Variants in ASB15 observed in about 807,000 individuals in gnomAD.
The protein encoded by ASB15 is ankyrin repeat and SOCS box protein 15.
ASB15 carries 54 observed loss-of-function variants against 58.0 expected under a neutral mutation model. That is an observed-to-expected ratio of 0.93 (90% CI 0.75 to 1.17). The LOEUF (loss-of-function observed/expected upper bound fraction) is 1.17, where lower values mean the gene tolerates loss of function less well. ASB15 is among the 50% of genes most tolerant of loss of function. The pLI is 0.00. For missense variants in ASB15, 680 were observed against 707.4 expected, an observed-to-expected ratio of 0.96 and a Z score of 0.44; for synonymous variants, 249 against 262.4, an observed-to-expected ratio of 0.95 and a Z score of 0.50.
rs1001617341 is a variant in ASB15, at chr7:123,628,951, A to T, written c.957A>T (p.Gln319His). 4 of 1,610,368 alleles carry T rather than the reference A, an allele frequency of 2.5e-6. No individual in the cohort carries two copies. The highest frequency in any genetic ancestry group is 3.4e-6 in the Non-Finnish European group (4 of 1,178,232). Residue 319 changes from glutamine (Q) to histidine (H), a missense_variant, in exon 10 of 12, where the codon CAA becomes CAT. Coordinates refer to ENST00000451215, the MANE Select transcript of ASB15 (RefSeq NM_001290258.2). ...LTPIHSAADG[Q>H]NAQCLELLIE... is the part of the protein sequence containing the mutation. ...CAATTCACTCAGCAGCAGATGGACA[A>T]AATGCACAGTGTCTAGAACTGCTCA...
At chr7:123,607,346 T>C (rs1171986739) in intron 2 of ASB15, among the ~76,000 whole-genome samples, 1 of 152,222 alleles carries the variant, frequency 6.6e-6, no homozygotes, top group Admixed American at 6.5e-5. Flanking sequence ...TCCATTTTTA[T>C]GTGTACAATA....
chr7:123,625,252 G>A (rs1253493214), intron 8 of ASB15, among the ~76,000 whole-genome samples: 1 of 152,082 alleles, frequency 6.6e-6, no homozygotes. Context: ...CGTTTCTCTT[G>A]TCCTCTCATT....
At position 123,635,704 on chromosome 7, in the gene ASB15, A is replaced by G. The variant is rs139253000; in HGVS notation, c.1595-1105A>G. On this transcript the variant is annotated intron_variant, in intron 11 of 11. Transcript: ENST00000451215. Reference sequence around the variant, plus strand: ...ATTGTTTCCATCATACTTTACTGCAACTAGAGTCGAAGCCAGTTGATTGCT... The same window carrying G: ...ATTGTTTCCATCATACTTTACTGCAGCTAGAGTCGAAGCCAGTTGATTGCT... Among the ~76,000 whole-genome samples the G allele has an allele frequency of 2.7e-3, 401 of 150,818 alleles. 3 individuals carry two copies. The highest frequency in any genetic ancestry group is 9.1e-3 in the African/African-American group (372 of 41,074).
chr7:123,627,463 T>C (rs1449959563), intron 9 of ASB15, among the ~76,000 whole-genome samples, 182 bp downstream of exon 9: 1 of 152,202 alleles, frequency 6.6e-6, no homozygotes, highest in Non-Finnish European at 1.5e-5. Context: ...TTTGATATTC[T>C]TGTACTTCCA....
upstream of ASB15, among the ~76,000 whole-genome samples, chr7:123,597,820 G>A (rs1368991692): frequency 6.6e-6 from 1 of 151,862 alleles, no homozygotes; most frequent in African/African-American, 2.4e-5. Flanking sequence ...AACAGAGCAA[G>A]ACTTCATCTG....
intron 1 of ASB15, among the ~76,000 whole-genome samples, chr7:123,578,108 G>T (rs1247358677): frequency 6.8e-6 from 1 of 147,724 alleles, no homozygotes; most frequent in Non-Finnish European, 1.5e-5. Context: ...TGTTCTCATT[G>T]TTCAACTTAA....
At chr7:123,582,700 A>C (rs1420672246) in intron 1 of ASB15, among the ~76,000 whole-genome samples, 1 of 151,890 alleles carries the variant, frequency 6.6e-6, no homozygotes, top group Non-Finnish European at 1.5e-5. Context: ...TCAAGACTTT[A>C]TATCGTCTAA....
At chr7:123,586,501 G>C (rs1406104793) in intron 1 of ASB15, among the ~76,000 whole-genome samples, 1 of 151,398 alleles carries the variant, frequency 6.6e-6, no homozygotes, top group Admixed American at 6.6e-5. Flanking sequence ...TTTCTCCCTT[G>C]GTTGCATTTT....
At chr7:123,589,939 G>A (rs2116353061) in intron 1 of ASB15, among the ~76,000 whole-genome samples, 1 of 152,286 alleles carries the variant, frequency 6.6e-6, no homozygotes, top group Admixed American at 6.5e-5. Context: ...CCCACCAACA[G>A]TGTAAAAGCG....
At chr7:123,618,001 G>GAGAT (rs1204101034) in intron 7 of ASB15, among the ~76,000 whole-genome samples, 3 of 152,202 alleles carry the variant, frequency 2.0e-5, no homozygotes, top group Non-Finnish European at 4.4e-5. Context: ...TTTGAAGCCA[G>GAGAT]AGATAGCAAT....
intron 11 of ASB15, among the ~76,000 whole-genome samples, chr7:123,635,713 G>A (rs559993154): frequency 3.4e-5 from 5 of 147,144 alleles, no homozygotes; most frequent in South Asian, 2.1e-4. Flanking sequence ...AACTAGAGTC[G>A]AAGCCAGTTG....
intron 8 of ASB15, 36 bp downstream of exon 8, chr7:123,624,850 C>A: frequency 3.1e-6 from 5 of 1,588,774 alleles, no homozygotes; most frequent in Non-Finnish European, 4.3e-6. Flanking sequence ...TGACTTTTGT[C>A]CTGCCTCTCG....
At chr7:123,587,750 G>A (rs894690087) in intron 1 of ASB15, among the ~76,000 whole-genome samples, 2 of 151,682 alleles carry the variant, frequency 1.3e-5, no homozygotes, top group Non-Finnish European at 3.0e-5. Flanking sequence ...TATCAAAAAA[G>A]ATGTTGATAT....
rs1423526299 is a variant in ASB15 at position 123,617,633 on chromosome 7, C to T, written c.347C>T (p.Thr116Ile). 2.5e-6 allele frequency: 4 copies of T among 1,610,558 alleles called. No individual in the cohort carries two copies. The highest frequency in any genetic ancestry group is 4.5e-5 in the East Asian group (2 of 44,868). Residue 116 changes from threonine (T) to isoleucine (I), a missense_variant, in exon 7 of 12, where the codon ACT (threonine) becomes ATT (isoleucine). Physicochemically the swap from Thr to Ile is moderately conservative, Grantham distance 89 (BLOSUM62 -1). Transcript: ENST00000451215. ...ACCTGTGATGGAGAAACACCCTTGA[C>T]TTTGGCAGTCAAAGCTGGTCTGGTG... ...FKTCDGETPLTLAVKAGLVEN... is the reference protein window; with the variant it reads ...FKTCDGETPLILAVKAGLVEN...
rs147136296 is a variant in ASB15, at chr7:123,591,680, G to T, written c.-442-12352G>T. Among the ~76,000 whole-genome samples, 1,171 of 152,254 alleles carry T rather than the reference G, an allele frequency of 7.7e-3. 18 individuals are homozygous for T. Among genetic ancestry groups the T allele is most frequent in the African/African-American group, 0.027 (1,126 of 41,538 alleles). On this transcript the variant is annotated intron_variant, in intron 1 of 13. Transcript: ENST00000451558. ...GATCGTGGTGGATATGCTTTTTGAC[G>T]TGTTGCTGGATTCGGTTTGCCAGTG...
At chr7:123,588,702 G>A (rs1299802579) in intron 1 of ASB15, among the ~76,000 whole-genome samples, 1 of 150,702 alleles carries the variant, frequency 6.6e-6, no homozygotes, top group Admixed American at 6.6e-5. Flanking sequence ...TAACATAGGT[G>A]TTTACTGCTA....
chr7:123,572,049 A>G (rs574836669), intron 1 of ASB15, among the ~76,000 whole-genome samples: 2 of 151,816 alleles, frequency 1.3e-5, no homozygotes, highest in East Asian at 3.9e-4. Context: ...TGGTTTCCCA[A>G]AGCACTGGGT....
intron 11 of ASB15, among the ~76,000 whole-genome samples, chr7:123,631,454 AT>A (rs1168406919): frequency 6.6e-6 from 1 of 152,254 alleles, no homozygotes; most frequent in Non-Finnish European, 1.5e-5. Context: ...GTAAAGTATT[AT>A]CATGCTTATT....
Position 123,629,032 on chromosome 7 carries a change from T to C in ASB15, c.1038T>C (p.Tyr346=), listed in dbSNP as rs771402820. ...TLLADHISQS[Y]DDERKTALYF... is the part of the protein sequence containing the mutation. Reference sequence around the variant, plus strand: ...TTGCTGACCACATTTCCCAGAGCTATGACGATGAGAGGAAGACTGCGCTGT... The same window carrying C: ...TTGCTGACCACATTTCCCAGAGCTACGACGATGAGAGGAAGACTGCGCTGT... Residue 346 remains tyrosine, a synonymous_variant, in exon 10 of 12, where the codon TAT becomes TAC. Transcript: ENST00000451215. 2.4e-5 allele frequency: 38 copies of C among 1,613,806 alleles called. No homozygotes were observed. The East Asian group carries it at 8.0e-4, about 34-fold the overall frequency.
Sources: allele counts gnomAD v4.1 joint callset (sites outside exome capture counted in the v4.1 genomes callset), GRCh38; gene constraint gnomAD v4.1.1; transcripts MANE v1.5; gene names NCBI Gene and HGNC (gene_info 2026-07-23, HGNC 2026-07-21).